RGL3: variants seen among roughly 807,000 people sequenced by gnomAD.
RGL3 encodes ral guanine nucleotide dissociation stimulator like 3.
RGL3 carries 85 observed loss-of-function variants against 90.6 expected under a neutral mutation model. The observed-to-expected ratio is 0.94, with a 90% CI of 0.79 to 1.12. The LOEUF is 1.12. Ranked by LOEUF, RGL3 falls within the 50% of genes most tolerant of loss-of-function variation. The pLI is 0.00. For synonymous variants in RGL3, 408 were observed against 385.5 expected (o/e 1.06, Z -0.68); for missense variants, 1,034 against 939.2 (o/e 1.10, Z -1.32).
At chr19:11,408,022 C>T (rs945265915) in intron 5 of RGL3, among the ~76,000 whole-genome samples, 4 of 152,136 alleles carry the variant, frequency 2.6e-5, no homozygotes, top group African/African-American at 9.7e-5. Flanking sequence ...GGCTGGAGTA[C>T]AGTGGTGTGA....
chr19:11,413,569 G>A (rs1363198233), intron 5 of RGL3, among the ~76,000 whole-genome samples: 1 of 148,610 alleles, frequency 6.7e-6, no homozygotes, highest in Non-Finnish European at 1.5e-5. Context: ...GCAGGGTCAG[G>A]CACAGTAGCT....
In RGL3 at chr19:11,396,370, A is replaced by G. The variant is rs1364111011; in HGVS notation, c.2014+874T>C. On this transcript the variant is annotated intron_variant, in intron 18 of 18. Coordinates refer to ENST00000380456, the MANE Select transcript of RGL3 (RefSeq NM_001035223.4). ...TTTTTAGTAGAGACGGGGCTTCACC[A>G]TGTTGGCCAGGCTGGTCTCGAACTC... 2.7e-5 allele frequency among the ~76,000 whole-genome samples: 4 copies of G among 146,924 alleles called. No individual in the cohort carries two copies. In the Admixed American group the frequency reaches 2.7e-4, roughly 10 times the overall value.
chr19:11,404,638 G>A (rs1442512857), intron 9 of RGL3, among the ~76,000 whole-genome samples: 1 of 152,170 alleles, frequency 6.6e-6, no homozygotes, highest in Non-Finnish European at 1.5e-5. Context: ...GCCTCTCAGA[G>A]GCAGGGACAT....
chr19:11,417,738 G>C (rs1863065369), intron 2 of RGL3, among the ~76,000 whole-genome samples: 1 of 151,752 alleles, frequency 6.6e-6, no homozygotes, highest in African/African-American at 2.4e-5. Context: ...CCAAAGTGCT[G>C]GGATTACAGG....
intron 2 of RGL3, among the ~76,000 whole-genome samples, chr19:11,418,318 GC>G (rs1490371726): frequency 6.8e-6 from 1 of 147,000 alleles, no homozygotes; most frequent in Non-Finnish European, 1.5e-5. Flanking sequence ...TTCACTGGCT[GC>G]CCCATCCGCC....
chr19:11,413,367 C>T (rs1968904687), intron 5 of RGL3, among the ~76,000 whole-genome samples: 1 of 151,584 alleles, frequency 6.6e-6, no homozygotes, highest in Non-Finnish European at 1.5e-5. Context: ...GAAACGCTGT[C>T]TCTAATAAAA....
chr19:11,403,890 A>G (rs10402525), intron 9 of RGL3, among the ~76,000 whole-genome samples: 8 of 152,006 alleles, frequency 5.3e-5, no homozygotes, highest in East Asian at 1.9e-4. Flanking sequence ...TTTTTATTTC[A>G]TTTTATTTTG....
At chr19:11,414,431 A>G (rs1246818619) in intron 5 of RGL3, among the ~76,000 whole-genome samples, 1 of 117,840 alleles carries the variant, frequency 8.5e-6, no homozygotes, top group Admixed American at 9.4e-5. Flanking sequence ...ATATATATAT[A>G]CCTTCATATA....
intron 5 of RGL3, among the ~76,000 whole-genome samples, chr19:11,414,506 T>TATATATATACACCTTC (rs1968955204): frequency 9.1e-6 from 1 of 109,400 alleles, no homozygotes; most frequent in African/African-American, 4.0e-5. Flanking sequence ...TATATATATA[T>TATATATATACACCTTC]ATATATATAT....
At chr19:11,403,457 A>T (rs1179428017) in intron 9 of RGL3, among the ~76,000 whole-genome samples, 2 of 150,250 alleles carry the variant, frequency 1.3e-5, no homozygotes, top group Non-Finnish European at 3.0e-5. Flanking sequence ...TGGCTAACAG[A>T]GTGAAACTCT....
chr19:11,397,393 C>A, intron 17 of RGL3, 35 bp from the exon 18 acceptor site: 1 of 1,587,890 alleles, frequency 6.3e-7, no homozygotes, highest in Non-Finnish European at 8.6e-7. Context: ...GGTGAGGGCC[C>A]CGGCCCCAAG....
chr19:11,397,803 G>A lies in RGL3; in HGVS notation c.1747-206C>T, dbSNP rs192433314. 5.5e-3 allele frequency: 2,293 copies of A among 417,046 alleles called. 6 individuals are homozygous for A. Among genetic ancestry groups the A allele is most frequent in the Middle Eastern group, 8.1e-3 (12 of 1,490 alleles). 25.8% of individuals were successfully genotyped at this position (417,046 alleles called of 1,614,324 possible). On this transcript the variant is annotated intron_variant, in intron 16 of 18. Coordinates refer to ENST00000380456, the MANE Select transcript of RGL3 (RefSeq NM_001035223.4). ...GTGGGCGGATCACTTGAGGTCGGGA[G>A]TTCAAGACCAGCCTGGCCAACGTGG... is the stretch of plus-strand genomic sequence containing the variant.
At chr19:11,394,742 A>G in intron 18 of RGL3, 1 of 502,924 alleles carries the variant, frequency 2.0e-6, no homozygotes, top group Non-Finnish European at 3.6e-6. Flanking sequence ...AAGCCTGGGC[A>G]ACCTCCTAAT....
intron 18 of RGL3, among the ~76,000 whole-genome samples, chr19:11,395,110 A>C (rs1289120229): frequency 1.3e-5 from 2 of 151,580 alleles, no homozygotes; most frequent in Non-Finnish European, 2.9e-5. Context: ...AAAAAACAAA[A>C]ACAAACAAAA....
At chr19:11,414,181 C>CTA (rs563720162) in intron 5 of RGL3, among the ~76,000 whole-genome samples, 3 of 28,192 alleles carry the variant, frequency 1.1e-4, no homozygotes, top group Admixed American at 4.1e-4. Context: ...ATATATACAC[C>CTA]TATATATATA....
At chr19:11,394,606 C>A in intron 18 of RGL3, 86 bp from the exon 19 acceptor site, 1 of 977,466 alleles carries the variant, frequency 1.0e-6, no homozygotes, top group Non-Finnish European at 1.6e-6. Context: ...TGCCACTCAC[C>A]CGCGAACCTG....
intron 18 of RGL3, 124 bp from the exon 19 acceptor site, chr19:11,394,644 T>C: frequency 2.8e-6 from 2 of 704,328 alleles, no homozygotes; most frequent in Non-Finnish European, 5.1e-6. Context: ...CTGCAGCTAC[T>C]GCCAAGCCAA....
intron 5 of RGL3, 104 bp from the exon 6 acceptor site, chr19:11,406,968 G>A: frequency 8.6e-7 from 1 of 1,160,826 alleles, no homozygotes; most frequent in Non-Finnish European, 1.2e-6. Context: ...TTCCTCATTT[G>A]TAAAACGGAG....
At chr19:11,410,511 A>G in intron 5 of RGL3, among the ~76,000 whole-genome samples, 1 of 151,690 alleles carries the variant, frequency 6.6e-6, no homozygotes, top group East Asian at 1.9e-4. Context: ...GTGAGACCCC[A>G]TGTCTACATA....
Sources: allele counts gnomAD v4.1 joint callset (sites outside exome capture counted in the v4.1 genomes callset), GRCh38; gene constraint gnomAD v4.1.1; transcripts MANE v1.5; gene names NCBI Gene and HGNC (gene_info 2026-07-23, HGNC 2026-07-21).